Variants in PRIMA1 observed in about 807,000 individuals in gnomAD.
PRIMA1 encodes proline-rich membrane anchor 1.
PRIMA1 carries 7 observed loss-of-function variants against 17.5 expected under a neutral mutation model. The ratio of observed to expected loss-of-function variants is 0.40; its 90% CI spans 0.23 to 0.75. PRIMA1 has a LOEUF of 0.75. Ranked by LOEUF, PRIMA1 falls within the 30% of genes least tolerant of loss-of-function variation. The pLI is 0.37. For missense variants in PRIMA1, 200 were observed against 201.8 expected (o/e 0.99, Z 0.05); for synonymous variants, 97 against 77.9 (o/e 1.25, Z -1.29).
intron 2 of PRIMA1, among the ~76,000 whole-genome samples, chr14:93,782,376 T>C (rs1381110711): frequency 6.6e-6 from 1 of 152,192 alleles, no homozygotes; most frequent in Non-Finnish European, 1.5e-5. Flanking sequence ...CCCAACACTT[T>C]GGGAGACTGA....
At chr14:93,759,495 ATGTGTGCGTGTGCATGTG>A (rs550174030) in intron 3 of PRIMA1, among the ~76,000 whole-genome samples, 1 of 151,912 alleles carries the variant, frequency 6.6e-6, no homozygotes, top group Non-Finnish European at 1.5e-5. Context: ...GTGCGCGTGC[ATGTGTGCGTGTGCATGTG>A]TGTGTGCGTG....
intron 4 of PRIMA1, among the ~76,000 whole-genome samples, chr14:93,724,781 A>G (rs1348514561): frequency 6.6e-6 from 1 of 152,222 alleles, no homozygotes; most frequent in East Asian, 1.9e-4. Context: ...CATATTACAT[A>G]TTGGGCTTAG....
At position 93,721,557 on chromosome 14, in the gene PRIMA1, G is replaced by T; in HGVS notation, c.360-11C>A. 6.3e-7 allele frequency: 1 copy of T among 1,590,566 alleles called. No homozygotes were observed. The highest frequency in any genetic ancestry group is 1.1e-5 in the South Asian group (1 of 90,448). On this transcript the variant is annotated splice_polypyrimidine_tract_variant and intron_variant, in intron 4 of 4. Coordinates refer to ENST00000393140, the MANE Select transcript of PRIMA1 (RefSeq NM_178013.4). ...TTTCTCAGTGGTTTCCTGGAAGTGG[G>T]GGGAGGGGACAGGAAAGGCAAAGGA...
In PRIMA1 at chr14:93,721,324, G is replaced by A; in HGVS notation, c.*120C>T. ...AATGGTTTCTCCTTCGGGAGGCTCA[G>A]GGCCTGTGAGGCAATGAAGTCCTGG... On this transcript the variant is annotated 3_prime_UTR_variant, in exon 5 of 5. Coordinates refer to ENST00000393140, the MANE Select transcript of PRIMA1 (RefSeq NM_178013.4). 1 of 653,980 alleles carries A rather than the reference G, an allele frequency of 1.5e-6. No individual in the cohort carries two copies. The highest frequency in any genetic ancestry group is 1.9e-5 in the South Asian group (1 of 53,780). The allele number at this position is 653,980 out of a possible 1,614,324, so 40.5% of individuals were successfully genotyped here. A position where few individuals can be genotyped will look rare whatever the true frequency, so the allele number is the denominator to read the frequency against.
rs2076034372 is a variant in PRIMA1 at position 93,721,070 on chromosome 14, T to G, written c.*374A>C. On this transcript the variant is annotated 3_prime_UTR_variant, in exon 5 of 5. Transcript: ENST00000393140. ...AGTGGGCTCCGGACCATCTTTCTTT[T>G]GGCTAAAGGGGGAAGCCTCCCTGCC... 1 of 186,540 alleles carries G rather than the reference T, an allele frequency of 5.4e-6. No homozygotes were observed. The highest frequency in any genetic ancestry group is 1.3e-4 in the East Asian group (1 of 7,808). 11.6% of individuals were successfully genotyped at this position (186,540 alleles called of 1,614,324 possible).
chr14:93,750,559 A>G (rs1170228404), intron 3 of PRIMA1, among the ~76,000 whole-genome samples: 1 of 152,214 alleles, frequency 6.6e-6, no homozygotes, highest in African/African-American at 2.4e-5. Context: ...CACCTGTTTT[A>G]TAAATAAAGT....
At chr14:93,768,612 C>T (rs1884961892) in intron 3 of PRIMA1, among the ~76,000 whole-genome samples, 1 of 152,304 alleles carries the variant, frequency 6.6e-6, no homozygotes, top group East Asian at 1.9e-4. Flanking sequence ...AGTTCCAGAA[C>T]TTGCCATGGC....
intron 3 of PRIMA1, among the ~76,000 whole-genome samples, chr14:93,772,380 C>T (rs891809265): frequency 6.6e-5 from 10 of 152,382 alleles, no homozygotes; most frequent in Admixed American, 2.6e-4. Context: ...TGCAGGCTCA[C>T]GCCTCTGTTC....
chr14:93,752,640 A>G (rs970694645), intron 3 of PRIMA1, among the ~76,000 whole-genome samples: 1 of 152,004 alleles, frequency 6.6e-6, no homozygotes, highest in African/African-American at 2.4e-5. Flanking sequence ...TCCAAAGACA[A>G]TTTCTGTGAC....
At chr14:93,748,765 C>T (rs755828051) in intron 3 of PRIMA1, among the ~76,000 whole-genome samples, 99 of 152,240 alleles carry the variant, frequency 6.5e-4, no homozygotes, top group Middle Eastern at 3.4e-3. Flanking sequence ...TGCTTATCAT[C>T]AAGGGCACTG....
intron 4 of PRIMA1, among the ~76,000 whole-genome samples, chr14:93,730,395 A>G (rs2076106511): frequency 6.6e-6 from 1 of 152,238 alleles, no homozygotes; most frequent in African/African-American, 2.4e-5. Flanking sequence ...AGGAGGTGGC[A>G]TTTGAGTTGG....
At chr14:93,739,551 G>A (rs1445874148) in intron 3 of PRIMA1, among the ~76,000 whole-genome samples, 2 of 152,206 alleles carry the variant, frequency 1.3e-5, no homozygotes, top group Admixed American at 1.3e-4. Flanking sequence ...GACATGCCAA[G>A]CTGTTTTTCC....
At chr14:93,763,992 C>A (rs1884812320) in intron 3 of PRIMA1, among the ~76,000 whole-genome samples, 1 of 152,116 alleles carries the variant, frequency 6.6e-6, no homozygotes, top group African/African-American at 2.4e-5. Context: ...GTGTCACATT[C>A]TTCCTCCGAG....
intron 4 of PRIMA1, among the ~76,000 whole-genome samples, chr14:93,722,042 G>C (rs752722583): frequency 7.8e-4 from 46 of 58,618 alleles, no homozygotes; most frequent in Non-Finnish European, 1.3e-3. Context: ...GGTGGTGGTG[G>C]TAGTGGTGAT....
chr14:93,749,664 C>T (rs2076248157), intron 3 of PRIMA1, among the ~76,000 whole-genome samples: 1 of 152,176 alleles, frequency 6.6e-6, no homozygotes, highest in Non-Finnish European at 1.5e-5. Context: ...AGAATGCTCC[C>T]AATGGTATAT....
chr14:93,752,144 G>A (rs983301951), intron 3 of PRIMA1, among the ~76,000 whole-genome samples: 1 of 152,108 alleles, frequency 6.6e-6, no homozygotes, highest in Non-Finnish European at 1.5e-5. Context: ...ACAGCCACCC[G>A]GATCCTGCCA....
At chr14:93,732,532 T>C (rs753129177) in intron 4 of PRIMA1, among the ~76,000 whole-genome samples, 11 of 152,206 alleles carry the variant, frequency 7.2e-5, no homozygotes, top group Non-Finnish European at 1.2e-4. Flanking sequence ...GTCTGATTGA[T>C]GTCCACTTCT....
intron 4 of PRIMA1, among the ~76,000 whole-genome samples, chr14:93,727,369 C>T (rs935279048): frequency 6.6e-6 from 1 of 152,204 alleles, no homozygotes; most frequent in Non-Finnish European, 1.5e-5. Flanking sequence ...GGGCAGAGCC[C>T]TTCCCAGCCC....
Position 93,742,145 on chromosome 14 carries a change from C to T in PRIMA1, c.230-4775G>A, listed in dbSNP as rs76648739. Among the ~76,000 whole-genome samples, 932 of 152,278 alleles carry T rather than the reference C, an allele frequency of 6.1e-3. 6 individuals carry two copies. The highest frequency in any genetic ancestry group is 0.021 in the African/African-American group (891 of 41,558). ...CCTCCTGTCTGAAACATCCAAAAAC[C>T]ATACCAAAGATTTGAAACAGTGGTT... On this transcript the variant is annotated intron_variant, in intron 3 of 4. Transcript: ENST00000393140.
Sources: gnomAD v4.1 joint callset for allele counts (sites outside exome capture counted in the v4.1 genomes callset) on GRCh38, gnomAD v4.1.1 for gene constraint, MANE v1.5 for transcripts, NCBI Gene and HGNC (gene_info 2026-07-23, HGNC 2026-07-21) for gene names.